Variants in CCDC15 observed in about 807,000 individuals in gnomAD.
The protein encoded by CCDC15 is coiled-coil domain-containing protein 15.
CCDC15 carries 105 observed loss-of-function variants against 114.5 expected under a neutral mutation model. The ratio of observed to expected loss-of-function variants is 0.92; its 90% CI spans 0.78 to 1.08. The LOEUF (loss-of-function observed/expected upper bound fraction) is 1.08, where lower values mean the gene tolerates loss of function less well. Ranked by LOEUF, CCDC15 falls within the 50% of genes least tolerant of loss-of-function variation. The pLI is 0.00. For missense variants in CCDC15, 1,105 were observed against 1,093.6 expected, an observed-to-expected ratio of 1.01 and a Z score of -0.15; for synonymous variants, 334 against 377.8, an observed-to-expected ratio of 0.88 and a Z score of 1.34.
At chr11:124,957,533 T>A (rs1170254748) in intron 2 of CCDC15, among the ~76,000 whole-genome samples, 1 of 152,198 alleles carries the variant, frequency 6.6e-6, no homozygotes, top group Non-Finnish European at 1.5e-5. Flanking sequence ...GAAGTTTCTT[T>A]ATGACCTGGC....
chr11:125,026,144 G>T (rs2135538726), intron 13 of CCDC15, among the ~76,000 whole-genome samples: 1 of 152,250 alleles, frequency 6.6e-6, no homozygotes, highest in Admixed American at 6.5e-5. Flanking sequence ...ACTTGCCCAA[G>T]AATTATAGTT....
chr11:125,033,119 T>C (rs1184990937), intron 13 of CCDC15, among the ~76,000 whole-genome samples: 3 of 152,226 alleles, frequency 2.0e-5, no homozygotes, highest in Non-Finnish European at 4.4e-5. Context: ...ATAAACTGGC[T>C]CCAGTCTGGA....
At chr11:125,029,449 A>C (rs918471638) in intron 13 of CCDC15, among the ~76,000 whole-genome samples, 1 of 152,278 alleles carries the variant, frequency 6.6e-6, no homozygotes, top group Non-Finnish European at 1.5e-5. Context: ...AAATACTATT[A>C]CTTAAAGTTA....
intron 13 of CCDC15, among the ~76,000 whole-genome samples, chr11:125,020,001 T>G (rs1263943058): frequency 6.6e-6 from 1 of 151,906 alleles, no homozygotes; most frequent in Non-Finnish European, 1.5e-5. Context: ...AATACATTGT[T>G]GCTAACTATA....
At position 125,033,658 on chromosome 11, in the gene CCDC15, G is replaced by A. The variant is rs545118543; in HGVS notation, c.2412-4773G>A. Among the ~76,000 whole-genome samples, 31 of 152,198 alleles carry A rather than the reference G, an allele frequency of 2.0e-4. 1 individual carries two copies. The highest frequency in any genetic ancestry group is 4.3e-4 in the African/African-American group (18 of 41,534). ...CAATCTCTCTATACCTTTGGATCCC[G>A]TTCTAAACCAAGGGAGGAAATCAGG... On this transcript the variant is annotated intron_variant, in intron 13 of 15. Transcript: ENST00000344762.
chr11:125,005,184 C>A lies in CCDC15; in HGVS notation c.2383C>A (p.Gln795Lys). Residue 795 changes from glutamine (Q) to lysine (K), a missense_variant, in exon 13 of 16, where the codon CAA (glutamine) becomes AAA (lysine). Coordinates refer to ENST00000344762, the MANE Select transcript of CCDC15 (RefSeq NM_025004.3). Reference sequence around the variant, plus strand: ...AGAACAAGTTAAAGAACAACAAAGGCAAAAAGAACAAAAGAAGAAAATTGA... The same window carrying A: ...AGAACAAGTTAAAGAACAACAAAGGAAAAAAGAACAAAAGAAGAAAATTGA... ...EREQVKEQQR[Q>K]KEQKKKIEKI... 1 of 1,542,560 alleles carries A rather than the reference C, an allele frequency of 6.5e-7. No homozygotes were observed. The highest frequency in any genetic ancestry group is 1.2e-5 in the South Asian group (1 of 84,082).
chr11:125,029,318 C>T (rs1019318072), intron 13 of CCDC15, among the ~76,000 whole-genome samples: 5 of 152,138 alleles, frequency 3.3e-5, no homozygotes, highest in Non-Finnish European at 7.4e-5. Context: ...TCAACTTGAG[C>T]CCATACACAT....
chr11:124,988,225 A>C, intron 8 of CCDC15, 91 bp downstream of exon 8: 1 of 1,329,082 alleles, frequency 7.5e-7, no homozygotes, highest in Non-Finnish European at 1.0e-6. Context: ...TATACCTTGG[A>C]GATACTGTGG....
At chr11:125,035,791 C>T (rs1486286400) in intron 13 of CCDC15, among the ~76,000 whole-genome samples, 1 of 152,118 alleles carries the variant, frequency 6.6e-6, no homozygotes, top group African/African-American at 2.4e-5. Flanking sequence ...TATCTTATAA[C>T]CTGTTGTTTT....
In CCDC15 at chr11:124,987,074, A is replaced by G; in HGVS notation, c.901-53A>G. The G allele has an allele frequency of 2.8e-6, 4 of 1,423,640 alleles. No homozygotes were observed. In the South Asian group the frequency reaches 4.8e-5, roughly 17 times the overall value. The allele number at this position is 1,423,640 out of a possible 1,614,324, so 88.2% of individuals were successfully genotyped here. A position where few individuals can be genotyped will look rare whatever the true frequency, so the allele number is the denominator to read the frequency against. ...ATATTTCGATTATTTTGGAAAATCT[A>G]GAGTATTGCTACTAACTCACATTCT... On this transcript the variant is annotated intron_variant, in intron 7 of 15. Coordinates refer to ENST00000344762, the MANE Select transcript of CCDC15 (RefSeq NM_025004.3).
At chr11:124,993,098 A>C in intron 10 of CCDC15, 71 bp from the exon 11 acceptor site, 2 of 883,176 alleles carry the variant, frequency 2.3e-6, no homozygotes, top group Non-Finnish European at 3.7e-6. Flanking sequence ...TTGTCACTGA[A>C]GTCTATAATA....
chr11:125,014,896 T>G (rs896975016), intron 13 of CCDC15, among the ~76,000 whole-genome samples: 1 of 152,202 alleles, frequency 6.6e-6, no homozygotes, highest in Non-Finnish European at 1.5e-5. Context: ...TCCTTTCAAG[T>G]GCCCGTGGAA....
At chr11:125,005,686 C>T (rs979681654) in intron 13 of CCDC15, among the ~76,000 whole-genome samples, 2 of 152,086 alleles carry the variant, frequency 1.3e-5, no homozygotes, top group Admixed American at 6.5e-5. Context: ...TTTCACTTCC[C>T]TAAAATCCTC....
chr11:125,024,105 T>C (rs1948679473), intron 13 of CCDC15, among the ~76,000 whole-genome samples: 1 of 152,050 alleles, frequency 6.6e-6, no homozygotes, highest in Non-Finnish European at 1.5e-5. Context: ...TTCATATATA[T>C]GTGTGTTTAT....
At chr11:124,966,268 G>A (rs1325517610) in intron 4 of CCDC15, among the ~76,000 whole-genome samples, 1 of 152,106 alleles carries the variant, frequency 6.6e-6, no homozygotes, top group African/African-American at 2.4e-5. Context: ...ATTATTGTGT[G>A]GGAGTCTAAG....
intron 8 of CCDC15, among the ~76,000 whole-genome samples, chr11:124,988,442 C>T (rs920528309): frequency 1.3e-5 from 2 of 152,178 alleles, no homozygotes; most frequent in African/African-American, 4.8e-5. Context: ...GAGTCTTCGG[C>T]AAGCCATAAT....
At chr11:125,000,257 G>A (rs1356511752) in intron 11 of CCDC15, among the ~76,000 whole-genome samples, 1 of 152,196 alleles carries the variant, frequency 6.6e-6, no homozygotes, top group African/African-American at 2.4e-5. Context: ...GTAGCAGGCA[G>A]TCAGCCTGGT....
intron 12 of CCDC15, 40 bp from the exon 13 acceptor site, chr11:125,005,069 T>A (rs1948537733): frequency 4.4e-6 from 4 of 916,500 alleles, no homozygotes; most frequent in Non-Finnish European, 4.9e-6. Flanking sequence ...GAAATTCCTC[T>A]GAAAGCAGAA....
In CCDC15 at chr11:124,987,828, T is replaced by TAA. The variant is rs2135485333; in HGVS notation, c.1604_1605dup (p.Asp536LysfsTer113). ...AATATCAAGGCCAGGATTTTCTACC[T>TAA]AAAGACCAGGACTTTTTATCTAGAG... On this transcript the variant is annotated frameshift_variant, in exon 8 of 16. Coordinates refer to ENST00000344762, the MANE Select transcript of CCDC15 (RefSeq NM_025004.3). LOFTEE classifies it high-confidence loss of function. 1.9e-6 allele frequency: 3 copies of TAA among 1,605,388 alleles called. No homozygotes were observed. In the East Asian group the frequency reaches 6.7e-5, roughly 36 times the overall value.
Sources: gnomAD v4.1 joint callset for allele counts (sites outside exome capture counted in the v4.1 genomes callset) on GRCh38, gnomAD v4.1.1 for gene constraint, MANE v1.5 for transcripts, NCBI Gene and HGNC (gene_info 2026-07-23, HGNC 2026-07-21) for gene names.